The following AGPAT4 variants were observed in gnomAD, a reference collection of about 807,000 sequenced individuals.
AGPAT4 encodes the protein 1-acyl-sn-glycerol-3-phosphate acyltransferase delta.
Under a neutral mutation model 48.0 loss-of-function variants are expected in AGPAT4, and 15 were observed. The observed-to-expected ratio is 0.31, with a 90% CI of 0.21 to 0.48. AGPAT4 has a LOEUF of 0.48. Among genes scored for constraint, AGPAT4 ranks in the 20% least tolerant of loss-of-function variants. AGPAT4 has a pLI of 0.99. For synonymous variants in AGPAT4, 178 were observed against 198.7 expected (o/e 0.90, Z 0.88); for missense variants, 314 against 482.5 (o/e 0.65, Z 3.27).
intron 2 of AGPAT4, among the ~76,000 whole-genome samples, chr6:161,211,595 T>C (rs1478109941): frequency 1.3e-5 from 2 of 152,170 alleles, no homozygotes; most frequent in East Asian, 3.8e-4. Flanking sequence ...AAGCATGTCA[T>C]GAACAGTCTG....
intron 2 of AGPAT4, among the ~76,000 whole-genome samples, chr6:161,183,535 G>A (rs1425891148): frequency 5.3e-5 from 8 of 150,212 alleles, no homozygotes; most frequent in Non-Finnish European, 8.9e-5. Context: ...CAGCAGAATC[G>A]CTTGAACCCA....
intron 8 of AGPAT4, 87 bp from the exon 9 acceptor site, chr6:161,136,721 C>T (rs1248108278): frequency 5.2e-6 from 6 of 1,159,998 alleles, no homozygotes; most frequent in Non-Finnish European, 7.7e-6. Context: ...AGGCCCGTGG[C>T]CGCAAATCAC....
chr6:161,218,550 T>C lies in AGPAT4; in HGVS notation c.178+13486A>G, dbSNP rs1437921088. ...TAAGTTGACTGTGTCACCAAGGTGG[T>C]TAGGCCACTGTTCAGAAGCCAAGAC... On this transcript the variant is annotated intron_variant, in intron 2 of 8. Coordinates refer to ENST00000320285, the MANE Select transcript of AGPAT4 (RefSeq NM_020133.3). The surrounding 1 kb of genome is among the most constrained non-coding windows in gnomAD (Gnocchi z 4.7). 6.6e-6 allele frequency among the ~76,000 whole-genome samples: 1 copy of C among 152,158 alleles called. No individual in the cohort carries two copies. The highest frequency in any genetic ancestry group is 1.5e-5 in the Non-Finnish European group (1 of 68,022).
chr6:161,167,615 G>C (rs1405000912), intron 2 of AGPAT4, among the ~76,000 whole-genome samples: 1 of 152,174 alleles, frequency 6.6e-6, no homozygotes, highest in Non-Finnish European at 1.5e-5. Context: ...CTACAGGCAG[G>C]TGGATTTGGC....
chr6:161,225,937 CT>C lies in AGPAT4; in HGVS notation c.178+6098del, dbSNP rs1430242478. Among the ~76,000 whole-genome samples the C allele has an allele frequency of 6.6e-6, 1 of 152,086 alleles. No homozygotes were observed. Among genetic ancestry groups the C allele is most frequent in the African/African-American group, 2.4e-5 (1 of 41,374 alleles). ...CATGGGTCACGGGTCTTTTAAATTC[CT>C]TTCCATCCGACTTGACTCGCCAAAG... On this transcript the variant is annotated intron_variant, in intron 2 of 8. Transcript: ENST00000320285. The surrounding 1 kb of genome is among the most constrained non-coding windows in gnomAD (Gnocchi z 5.0).
At chr6:161,183,648 A>AGAGGG (rs1780667406) in intron 2 of AGPAT4, among the ~76,000 whole-genome samples, 1 of 57,724 alleles carries the variant, frequency 1.7e-5, no homozygotes, top group Admixed American at 1.9e-4. Context: ...TGAGGGGAGG[A>AGAGGG]GAGGGGAGGG....
In AGPAT4 at chr6:161,153,371, G is replaced by A. The variant is rs1407374993; in HGVS notation, c.639C>T (p.Ile213=). The A allele has an allele frequency of 6.2e-7, 1 of 1,610,188 alleles. No homozygotes were observed. Among genetic ancestry groups the A allele is most frequent in the African/African-American group, 1.3e-5 (1 of 75,024 alleles). ...HLLPRTKGFA[I]TVRSLRNVVS... is the part of the protein sequence containing the mutation. ...CTACATTTCTCAAGCTCCTCACGGT[G>A]ATGGCGAAGCCCTTGGTTCGTGGCA... is the stretch of plus-strand genomic sequence containing the variant. The change falls in exon 5 of 9, where the codon ATC becomes ATT. Residue 213 remains isoleucine, a synonymous_variant. Coordinates refer to ENST00000320285, the MANE Select transcript of AGPAT4 (RefSeq NM_020133.3).
rs573860545 is a variant in AGPAT4 at position 161,257,150 on chromosome 6, T to C, written c.-90+16788A>G. Among the ~76,000 whole-genome samples the C allele has an allele frequency of 1.2e-4, 19 of 152,322 alleles. 1 individual carries two copies. The South Asian group carries it at 3.9e-3, about 32-fold the overall frequency. On this transcript the variant is annotated intron_variant, in intron 1 of 8. Coordinates refer to ENST00000320285, the MANE Select transcript of AGPAT4 (RefSeq NM_020133.3). ...TTGGATCAGGATAAAAGTAGTAAAC[T>C]TAAAATTAGATGAATGCTAAAATGT...
In AGPAT4 at chr6:161,255,897, T is replaced by C. The variant is rs1254559736; in HGVS notation, c.-90+18041A>G. On this transcript the variant is annotated intron_variant, in intron 1 of 8. Coordinates refer to ENST00000320285, the MANE Select transcript of AGPAT4 (RefSeq NM_020133.3). This position sits in a 1 kb window ranked among gnomAD's most constrained non-coding sequence, Gnocchi z 4.7. ...TAAATTATATCTCAATAAAGCTGTATGTAAAAACAAAGAAAAAAACACTGG... is the reference window on the plus strand; with the variant it reads ...TAAATTATATCTCAATAAAGCTGTACGTAAAAACAAAGAAAAAAACACTGG... Among the ~76,000 whole-genome samples, 4 of 152,104 alleles carry C rather than the reference T, an allele frequency of 2.6e-5. No homozygotes were observed. Among genetic ancestry groups the C allele is most frequent in the Non-Finnish European group, 5.9e-5 (4 of 68,024 alleles).
rs924535770 is a variant in AGPAT4, at chr6:161,201,862, C to T, written c.178+30174G>A. ...AACTGTACTTTGACAACCATTCACCCGTAATTCTTTTCCCATTTCCAGTGT... is the reference window on the plus strand; with the variant it reads ...AACTGTACTTTGACAACCATTCACCTGTAATTCTTTTCCCATTTCCAGTGT... On this transcript the variant is annotated intron_variant, in intron 2 of 8. Coordinates refer to ENST00000320285, the MANE Select transcript of AGPAT4 (RefSeq NM_020133.3). The surrounding 1 kb of genome is among the most constrained non-coding windows in gnomAD (Gnocchi z 6.0). Among the ~76,000 whole-genome samples, 3 of 152,208 alleles carry T rather than the reference C, an allele frequency of 2.0e-5. No individual in the cohort carries two copies. In the South Asian group the frequency reaches 6.2e-4, roughly 32 times the overall value.
chr6:161,256,330 G>A lies in AGPAT4; in HGVS notation c.-90+17608C>T, dbSNP rs555226912. ...GGCACGCATGGTGACGGCAGCGACC[G>A]CCACCATCTAGAAGAATTAGGCTTT... On this transcript the variant is annotated intron_variant, in intron 1 of 8. Coordinates refer to ENST00000320285, the MANE Select transcript of AGPAT4 (RefSeq NM_020133.3). Among the ~76,000 whole-genome samples the A allele has an allele frequency of 2.0e-5, 3 of 152,312 alleles. 1 individual carries two copies. Among genetic ancestry groups the A allele is most frequent in the South Asian group, 4.1e-4 (2 of 4,820 alleles).
rs557436617 is a variant in AGPAT4, at chr6:161,214,547, A to G, written c.178+17489T>C. 5.3e-5 allele frequency among the ~76,000 whole-genome samples: 8 copies of G among 152,162 alleles called. No homozygotes were observed. Among genetic ancestry groups the G allele is most frequent in the Admixed American group, 2.6e-4 (4 of 15,280 alleles). ...TTGGGAGGTCAAGGCAGGCGGATCA[A>G]TTGAAGTCAGGAGTTCGAGACCAGC... On this transcript the variant is annotated intron_variant, in intron 2 of 8. Transcript: ENST00000320285. The surrounding 1 kb of genome is among the most constrained non-coding windows in gnomAD (Gnocchi z 5.4).
chr6:161,227,840 A>T (rs2115032856), intron 2 of AGPAT4, among the ~76,000 whole-genome samples: 1 of 152,232 alleles, frequency 6.6e-6, no homozygotes, highest in Middle Eastern at 3.4e-3. Context: ...TTACACAAAT[A>T]CAGCGGCAAA....
chr6:161,268,568 G>C (rs759411355), intron 1 of AGPAT4, among the ~76,000 whole-genome samples: 2 of 152,124 alleles, frequency 1.3e-5, no homozygotes, highest in Non-Finnish European at 2.9e-5. Flanking sequence ...TCTCGTCTTG[G>C]AGGATCCCAC....
In AGPAT4 at chr6:161,140,461, C is replaced by T. The variant is rs1311641855; in HGVS notation, c.844-841G>A. ...AGAGCCTCATGGCGCTCCTTGCAGT[C>T]CCTGGGTGAGAACAGGGGACTCACG... On this transcript the variant is annotated intron_variant, in intron 7 of 8. Coordinates refer to ENST00000320285, the MANE Select transcript of AGPAT4 (RefSeq NM_020133.3). This position sits in a 1 kb window ranked among gnomAD's most constrained non-coding sequence, Gnocchi z 6.5. 6.6e-6 allele frequency among the ~76,000 whole-genome samples: 1 copy of T among 152,230 alleles called. No homozygotes were observed. Among genetic ancestry groups the T allele is most frequent in the Non-Finnish European group, 1.5e-5 (1 of 68,046 alleles).
At position 161,133,454 on chromosome 6, in the gene AGPAT4, A is replaced by T. The variant is rs1222755481; in HGVS notation, c.*3086T>A. ...GAAAAAAGTTGGTTTTCTCTCTGTC[A>T]AAGTCAATAGGGTGGTAGACTAACT... On this transcript the variant is annotated 3_prime_UTR_variant, in exon 9 of 9. Transcript: ENST00000320285. 6.6e-6 allele frequency: 1 copy of T among 152,212 alleles called. No individual in the cohort carries two copies. Among genetic ancestry groups the T allele is most frequent in the African/African-American group, 2.4e-5 (1 of 41,454 alleles). 9.4% of individuals were successfully genotyped at this position (152,212 alleles called of 1,614,324 possible). A position where few individuals can be genotyped will look rare whatever the true frequency, so the allele number is the denominator to read the frequency against.
chr6:161,236,298 C>A lies in AGPAT4; in HGVS notation c.-89-3996G>T, dbSNP rs1163240983. Among the ~76,000 whole-genome samples the A allele has an allele frequency of 3.9e-5, 6 of 152,044 alleles. No homozygotes were observed. In the East Asian group the frequency reaches 1.2e-3, roughly 29 times the overall value. On this transcript the variant is annotated intron_variant, in intron 1 of 8. Coordinates refer to ENST00000320285, the MANE Select transcript of AGPAT4 (RefSeq NM_020133.3). This position sits in a 1 kb window ranked among gnomAD's most constrained non-coding sequence, Gnocchi z 5.0. ...AAAAAAAAAAGATGTTTCTTACTAT[C>A]AAGGCCAAAAATGATGAACTCGTGT...
In AGPAT4 at chr6:161,223,281, G is replaced by A. The variant is rs1222515076; in HGVS notation, c.178+8755C>T. ...AAGAATGCCTGCTGGGCGGCGACAGGCATTCTGCAGCGAATTAGCATGCAC... is the reference window on the plus strand; with the variant it reads ...AAGAATGCCTGCTGGGCGGCGACAGACATTCTGCAGCGAATTAGCATGCAC... On this transcript the variant is annotated intron_variant, in intron 2 of 8. Transcript: ENST00000320285. This position sits in a 1 kb window ranked among gnomAD's most constrained non-coding sequence, Gnocchi z 6.3. 6.6e-6 allele frequency among the ~76,000 whole-genome samples: 1 copy of A among 152,228 alleles called. No individual in the cohort carries two copies. Among genetic ancestry groups the A allele is most frequent in the Non-Finnish European group, 1.5e-5 (1 of 68,042 alleles).
intron 1 of AGPAT4, among the ~76,000 whole-genome samples, chr6:161,237,643 T>C (rs147571597): frequency 4.6e-5 from 7 of 152,234 alleles, no homozygotes; most frequent in Admixed American, 4.6e-4. Context: ...TGTGCATATA[T>C]GTCATTCATA....
Sources: allele counts gnomAD v4.1 joint callset (sites outside exome capture counted in the v4.1 genomes callset), GRCh38; gene constraint gnomAD v4.1.1; non-coding constraint Gnocchi (gnomAD v3.1); transcripts MANE v1.5; gene names NCBI Gene and HGNC (gene_info 2026-07-23, HGNC 2026-07-21).